The following MFSD8 variants were observed in gnomAD, a reference collection of about 807,000 sequenced individuals.
The protein encoded by MFSD8 is major facilitator superfamily domain-containing protein 8.
A neutral mutation model predicts 66.4 loss-of-function variants in MFSD8; 55 were observed. That is an observed-to-expected ratio of 0.83 (90% CI 0.67 to 1.04). The LOEUF (loss-of-function observed/expected upper bound fraction) is 1.04. MFSD8 is among the 50% of genes least tolerant of loss of function. The pLI, the probability that MFSD8 is intolerant of heterozygous loss-of-function variation, is 0.00. For synonymous variants in MFSD8, 202 were observed against 212.8 expected, an observed-to-expected ratio of 0.95 and a Z score of 0.44; for missense variants, 550 against 627.6, an observed-to-expected ratio of 0.88 and a Z score of 1.32.
intron 9 of MFSD8, among the ~76,000 whole-genome samples, chr4:127,927,384 C>T (rs1305366807): frequency 1.3e-5 from 2 of 152,118 alleles, no homozygotes; most frequent in South Asian, 2.1e-4. Context: ...CCACGTTGGC[C>T]GGGCTGGTCT....
chr4:127,931,273 T>G (rs1738083426), intron 8 of MFSD8, among the ~76,000 whole-genome samples: 1 of 152,234 alleles, frequency 6.6e-6, no homozygotes, highest in African/African-American at 2.4e-5. Context: ...TTCCTTTATA[T>G]GACTATATCC....
At chr4:127,947,045 A>G (rs1741152106) in intron 3 of MFSD8, among the ~76,000 whole-genome samples, 2 of 152,110 alleles carry the variant, frequency 1.3e-5, no homozygotes. Flanking sequence ...ATAAAGGGAA[A>G]CGGGAGTATA....
In MFSD8 at chr4:127,920,389, A is replaced by G; in HGVS notation, c.*241T>C. On this transcript the variant is annotated 3_prime_UTR_variant, in exon 12 of 12. Transcript: ENST00000641686. Reference sequence around the variant, plus strand: ...TTAGTTCATGCAACCACAAAAAGGTATTATAAGAATAATATTTCATTTCTG... The same window carrying G: ...TTAGTTCATGCAACCACAAAAAGGTGTTATAAGAATAATATTTCATTTCTG... 1 of 520,384 alleles carries G rather than the reference A, an allele frequency of 1.9e-6. No homozygotes were observed. Among genetic ancestry groups the G allele is most frequent in the Non-Finnish European group, 3.5e-6 (1 of 287,762 alleles). The allele number at this position is 520,384 out of a possible 1,614,324, so 32.2% of individuals were successfully genotyped here.
intron 11 of MFSD8, 53 bp from the exon 12 acceptor site, chr4:127,920,889 T>C (rs957611432): frequency 1.3e-6 from 2 of 1,544,526 alleles, no homozygotes; most frequent in Non-Finnish European, 1.8e-6. Context: ...TTTAGTTATT[T>C]AAAAGCAAAG....
chr4:127,931,563 G>A (rs1210588565), intron 8 of MFSD8, among the ~76,000 whole-genome samples: 2 of 151,998 alleles, frequency 1.3e-5, no homozygotes, highest in Admixed American at 1.3e-4. Flanking sequence ...TCACCATATG[G>A]CCAGGCTGGT....
At chr4:127,925,302 A>C (rs536642561) in intron 9 of MFSD8, among the ~76,000 whole-genome samples, 3 of 152,132 alleles carry the variant, frequency 2.0e-5, no homozygotes, top group Non-Finnish European at 4.4e-5. Flanking sequence ...AGAGTGAACA[A>C]GCAACCTACA....
At position 127,920,585 on chromosome 4, in the gene MFSD8, G is replaced by C. The variant is rs1388160277; in HGVS notation, c.*45C>G. On this transcript the variant is annotated 3_prime_UTR_variant, in exon 12 of 12. Coordinates refer to ENST00000641686, the MANE Select transcript of MFSD8 (RefSeq NM_001371596.2). The stretch of plus-strand genomic sequence containing the variant: ...AATTGTCTAGCAGAGCTTTAGACCA[G>C]GAAGTGCCACACAGCAAGTAGTTTC... The C allele has an allele frequency of 1.3e-6, 2 of 1,594,318 alleles. No homozygotes were observed. Among genetic ancestry groups the C allele is most frequent in the Non-Finnish European group, 1.7e-6 (2 of 1,163,312 alleles).
chr4:127,923,319 G>A (rs971909222), intron 9 of MFSD8, among the ~76,000 whole-genome samples: 1 of 152,044 alleles, frequency 6.6e-6, no homozygotes, highest in Non-Finnish European at 1.5e-5. Context: ...TCAGTTTATT[G>A]AGTGTTGTTA....
chr4:127,938,984 T>C (rs1739621095), intron 6 of MFSD8, 146 bp from the exon 7 acceptor site: 2 of 535,954 alleles, frequency 3.7e-6, no homozygotes, highest in Non-Finnish European at 6.7e-6. Flanking sequence ...ACCAATGAGA[T>C]ATAACCAATA....
chr4:127,964,430 G>A (rs1744573873), intron 1 of MFSD8, among the ~76,000 whole-genome samples: 1 of 152,226 alleles, frequency 6.6e-6, no homozygotes, highest in South Asian at 2.1e-4. Context: ...AGCGCCAGTG[G>A]GCTGGCACTG....
chr4:127,963,718 G>A (rs1180140005), intron 1 of MFSD8, among the ~76,000 whole-genome samples: 1 of 152,222 alleles, frequency 6.6e-6, no homozygotes, highest in Non-Finnish European at 1.5e-5. Flanking sequence ...AGAGTGAGCA[G>A]TAGCAAGATT....
chr4:127,961,610 C>T (rs1349360846), intron 1 of MFSD8, among the ~76,000 whole-genome samples: 2 of 151,866 alleles, frequency 1.3e-5, no homozygotes, highest in East Asian at 3.9e-4. Flanking sequence ...GTCAGGAGAT[C>T]GAGACCATCC....
chr4:127,925,869 G>T (rs1578815963), intron 9 of MFSD8, among the ~76,000 whole-genome samples: 1 of 152,242 alleles, frequency 6.6e-6, no homozygotes, highest in East Asian at 1.9e-4. Flanking sequence ...ACTGGATAAA[G>T]AAAATGTAGC....
intron 2 of MFSD8, among the ~76,000 whole-genome samples, chr4:127,954,546 C>T (rs1009365615): frequency 6.6e-5 from 10 of 152,180 alleles, no homozygotes; most frequent in African/African-American, 1.4e-4. Flanking sequence ...AACCCGAAAG[C>T]GGGAGGTTGC....
chr4:127,941,948 T>C (rs1740262771), intron 5 of MFSD8, 97 bp downstream of exon 5: 1 of 973,578 alleles, frequency 1.0e-6, no homozygotes, highest in East Asian at 2.4e-5. Flanking sequence ...CCCTTTCCCT[T>C]CAGCTATGAG....
At chr4:127,963,443 C>A (rs1251139885) in intron 1 of MFSD8, among the ~76,000 whole-genome samples, 2 of 152,162 alleles carry the variant, frequency 1.3e-5, no homozygotes. Flanking sequence ...CGGACCCTCG[C>A]GGTGAGTGTT....
At chr4:127,940,866 C>A (rs566130809) in intron 5 of MFSD8, among the ~76,000 whole-genome samples, 1 of 151,920 alleles carries the variant, frequency 6.6e-6, no homozygotes, top group Admixed American at 6.6e-5. Context: ...TTGCACCTAC[C>A]GTACTTAGAA....
At chr4:127,937,137 CT>C (rs1443666197) in intron 7 of MFSD8, among the ~76,000 whole-genome samples, 1 of 152,204 alleles carries the variant, frequency 6.6e-6, no homozygotes, top group Non-Finnish European at 1.5e-5. Context: ...TCATGCCATC[CT>C]TTCTCTCACT....
At chr4:127,965,190 C>T (rs1034293106), upstream of MFSD8, 8 of 1,605,232 alleles carry the variant, frequency 5.0e-6, no homozygotes, top group South Asian at 3.3e-5. Context: ...TGCTTTCTCC[C>T]ATCCCGGGTG....
Sources: allele counts gnomAD v4.1 joint callset (sites outside exome capture counted in the v4.1 genomes callset), GRCh38; gene constraint gnomAD v4.1.1; transcripts MANE v1.5; gene names NCBI Gene and HGNC (gene_info 2026-07-23, HGNC 2026-07-21).